Variants in CDK15 observed in about 807,000 individuals in gnomAD.
CDK15 encodes the protein cyclin-dependent kinase 15.
Under a neutral mutation model 60.3 loss-of-function variants are expected in CDK15, and 62 were observed. That is an observed-to-expected ratio of 1.03 (90% CI 0.84 to 1.27). The LOEUF is 1.27. Among genes scored for constraint, CDK15 ranks in the 50% most tolerant of loss-of-function variants. The probability of loss-of-function intolerance (pLI) is 0.00; values close to 1 mark genes in which losing one functional copy is unlikely to be tolerated. For missense variants in CDK15, 541 were observed against 527.8 expected (o/e 1.03, Z -0.25); for synonymous variants, 194 against 195.7 (o/e 0.99, Z 0.07).
chr2:201,888,588 C>CCCTT, intron 12 of CDK15: 1 of 1,454,950 alleles, frequency 6.9e-7, no homozygotes, highest in Admixed American at 2.9e-5. Flanking sequence ...TTTTTTATTT[C>CCCTT]CCTTTCTTTC....
At position 201,837,325 on chromosome 2, in the gene CDK15, A is replaced by AG. The variant is rs1559127216; in HGVS notation, c.851+1562_851+1563insG. 3.5e-3 allele frequency among the ~76,000 whole-genome samples: 232 copies of AG among 66,062 alleles called. 2 individuals are homozygous for AG. Among genetic ancestry groups the AG allele is most frequent in the African/African-American group, 8.7e-3 (220 of 25,146 alleles). 43.3% of individuals were successfully genotyped at this position (66,062 alleles called of 152,430 possible). ...AAACAGAGAGAGAGAGAGAGAGAGA[A>AG]AGAAAGGAAAAGAGAAGGAGAGGGA... On this transcript the variant is annotated intron_variant, in intron 8 of 13. Coordinates refer to ENST00000652192, the MANE Select transcript of CDK15 (RefSeq NM_001366386.2).
intron 8 of CDK15, among the ~76,000 whole-genome samples, chr2:201,836,849 A>T (rs1697117079): frequency 6.6e-6 from 1 of 150,990 alleles, no homozygotes; most frequent in Non-Finnish European, 1.5e-5. Context: ...CCTGATTTTC[A>T]TGCCAGTTCG....
At chr2:201,879,121 T>C (rs1274490862) in intron 11 of CDK15, among the ~76,000 whole-genome samples, 4 of 152,160 alleles carry the variant, frequency 2.6e-5, no homozygotes, top group South Asian at 4.1e-4. Flanking sequence ...TCTCCAGATA[T>C]ATATTTCAAC....
chr2:201,873,039 G>A (rs1698917664), intron 11 of CDK15, among the ~76,000 whole-genome samples: 1 of 152,220 alleles, frequency 6.6e-6, no homozygotes, highest in African/African-American at 2.4e-5. Flanking sequence ...AGTCTTGCAG[G>A]TGGGGAGAAG....
At chr2:201,847,145 G>C (rs1285505355) in intron 8 of CDK15, among the ~76,000 whole-genome samples, 1 of 152,152 alleles carries the variant, frequency 6.6e-6, no homozygotes, top group Non-Finnish European at 1.5e-5. Flanking sequence ...TACAATGTTT[G>C]CTAACTCTAC....
chr2:201,869,778 G>T (rs11889202), intron 10 of CDK15, among the ~76,000 whole-genome samples: 5,324 of 152,168 alleles, frequency 0.035, 319 homozygotes, highest in African/African-American at 0.12. Flanking sequence ...TAGAAAATGG[G>T]AAAGGATGGA....
chr2:201,845,884 A>G (rs1263547257), intron 8 of CDK15, among the ~76,000 whole-genome samples: 1 of 151,500 alleles, frequency 6.6e-6, no homozygotes, highest in African/African-American at 2.4e-5. Flanking sequence ...GGCCATGGGG[A>G]TAGTCTCTGT....
chr2:201,832,672 A>G (rs1410071375), intron 6 of CDK15, among the ~76,000 whole-genome samples: 1 of 152,258 alleles, frequency 6.6e-6, no homozygotes, highest in African/African-American at 2.4e-5. Context: ...TGAAACCTGC[A>G]TAGCTGCAGG....
chr2:201,807,964 A>G lies in CDK15; in HGVS notation c.368+12A>G, dbSNP rs992412291. 6.2e-7 allele frequency: 1 copy of G among 1,607,792 alleles called. No individual in the cohort carries two copies. The highest frequency in any genetic ancestry group is 8.5e-7 in the Non-Finnish European group (1 of 1,176,130). On this transcript the variant is annotated intron_variant, in intron 3 of 13. Coordinates refer to ENST00000652192, the MANE Select transcript of CDK15 (RefSeq NM_001366386.2). ...AAGGGGATTAGCAGGTGAGTGACAC[A>G]TAGCTGGGAGAGACTTTAGAGATGA...
At chr2:201,868,133 T>C (rs188023011) in intron 10 of CDK15, among the ~76,000 whole-genome samples, 2 of 152,098 alleles carry the variant, frequency 1.3e-5, no homozygotes, top group African/African-American at 4.8e-5. Flanking sequence ...GTAGAAGACA[T>C]TTAGAGGAGG....
At chr2:201,849,681 G>A (rs1697821672) in intron 9 of CDK15, among the ~76,000 whole-genome samples, 1 of 152,174 alleles carries the variant, frequency 6.6e-6, no homozygotes, top group South Asian at 2.1e-4. Context: ...GTAAAAGGAT[G>A]TATGTATAGA....
intron 12 of CDK15, chr2:201,888,801 T>G: frequency 1.7e-6 from 2 of 1,150,792 alleles, no homozygotes; most frequent in Non-Finnish European, 2.1e-6. Flanking sequence ...CAGCTTTTCA[T>G]GCCACTGTCC....
At chr2:201,888,969 C>T in intron 12 of CDK15, 1 of 986,220 alleles carries the variant, frequency 1.0e-6, no homozygotes, top group Non-Finnish European at 1.2e-6. Context: ...TACAAAATTG[C>T]ATATTATAAT....
At chr2:201,814,155 T>C (rs1695891171) in intron 4 of CDK15, among the ~76,000 whole-genome samples, 1 of 152,248 alleles carries the variant, frequency 6.6e-6, no homozygotes. Flanking sequence ...GACATTTAAC[T>C]GTAACAGTGA....
intron 7 of CDK15, 76 bp downstream of exon 7, chr2:201,834,047 G>A: frequency 1.3e-6 from 2 of 1,503,492 alleles, no homozygotes; most frequent in Non-Finnish European, 8.9e-7. Context: ...GCGTTGACTG[G>A]GCCTGGCCTT....
chr2:201,812,187 A>AC (rs1559113120), intron 3 of CDK15, among the ~76,000 whole-genome samples: 3 of 147,968 alleles, frequency 2.0e-5, no homozygotes, highest in Non-Finnish European at 4.5e-5. Flanking sequence ...AAAAAAAAAA[A>AC]AAAACAAAAA....
At chr2:201,854,160 C>T (rs549255817) in intron 9 of CDK15, among the ~76,000 whole-genome samples, 2 of 151,654 alleles carry the variant, frequency 1.3e-5, no homozygotes, top group South Asian at 2.1e-4. Context: ...GGCGACAGAG[C>T]GAGACTCCGT....
At chr2:201,836,025 T>TA (rs56336194) in intron 8 of CDK15, among the ~76,000 whole-genome samples, 1 of 122,538 alleles carries the variant, frequency 8.2e-6, no homozygotes, top group Non-Finnish European at 1.6e-5. Flanking sequence ...TTTTTATATA[T>TA]TTATATATAT....
intron 13 of CDK15, 81 bp downstream of exon 13, chr2:201,891,008 G>C: frequency 1.4e-6 from 1 of 706,098 alleles, no homozygotes; most frequent in Non-Finnish European, 2.4e-6. Context: ...ATTGCTCAGG[G>C]ATTCAGAGCA....
Sources: allele counts gnomAD v4.1 joint callset (sites outside exome capture counted in the v4.1 genomes callset), GRCh38; gene constraint gnomAD v4.1.1; transcripts MANE v1.5; gene names NCBI Gene and HGNC (gene_info 2026-07-23, HGNC 2026-07-21).